The following RASA3 variants were observed in gnomAD, a reference collection of about 807,000 sequenced individuals.
RASA3 encodes the protein ras GTPase-activating protein 3.
In RASA3, 73 loss-of-function variants were observed where a neutral mutation model predicts 110.0. The ratio of observed to expected loss-of-function variants is 0.66; its 90% CI spans 0.55 to 0.81. The LOEUF (loss-of-function observed/expected upper bound fraction) is 0.81. Ranked by LOEUF, RASA3 falls within the 30% of genes least tolerant of loss-of-function variation. The pLI, the probability that RASA3 is intolerant of heterozygous loss-of-function variation, is 0.00. For synonymous variants in RASA3, 500 were observed against 451.4 expected (o/e 1.11, Z -1.37); for missense variants, 976 against 1,113.2 (o/e 0.88, Z 1.75).
At chr13:114,017,181 T>G in intron 12 of RASA3, 56 bp downstream of exon 12, 1 of 1,496,032 alleles carries the variant, frequency 6.7e-7, no homozygotes, top group Non-Finnish European at 9.3e-7. Context: ...TGCCCTCTGT[T>G]GGGGGAAATC....
At chr13:114,041,847 G>C (rs1054995520) in intron 3 of RASA3, among the ~76,000 whole-genome samples, 50 of 152,180 alleles carry the variant, frequency 3.3e-4, no homozygotes, top group Admixed American at 3.1e-3. Context: ...GGGACCCCTG[G>C]AGAGCCTGAA....
Position 114,012,394 on chromosome 13 carries a change from C to T in RASA3, c.1512+748G>A, listed in dbSNP as rs145177001. Reference sequence around the variant, plus strand: ...CACACCTTCCACACTCCCCGTGCACCGTCCACACACTCCACACACACTCCC... The same window carrying T: ...CACACCTTCCACACTCCCCGTGCACTGTCCACACACTCCACACACACTCCC... On this transcript the variant is annotated intron_variant, in intron 15 of 23. Coordinates refer to ENST00000334062, the MANE Select transcript of RASA3 (RefSeq NM_007368.4). 5.8e-3 allele frequency among the ~76,000 whole-genome samples: 820 copies of T among 141,198 alleles called. 1 individual carries two copies. The highest frequency in any genetic ancestry group is 0.017 in the African/African-American group (644 of 37,892). 92.6% of individuals were successfully genotyped at this position (141,198 alleles called of 152,430 possible). A position where few individuals can be genotyped will look rare whatever the true frequency, so the allele number is the denominator to read the frequency against.
rs780246799 is a variant in RASA3, at chr13:114,057,291, G to A, written c.174-5136C>T. 1,228 of 985,306 alleles carry A rather than the reference G, an allele frequency of 1.2e-3. 2 individuals are homozygous for A. Among genetic ancestry groups the A allele is most frequent in the Non-Finnish European group, 1.4e-3 (1,146 of 829,942 alleles). The allele number at this position is 985,306 out of a possible 1,614,324, so 61.0% of individuals were successfully genotyped here. ...GAAACCAGGCAGGACATCTGCAGGC[G>A]GCCGGCCAGCCTTATCAACGGAGCT... On this transcript the variant is annotated intron_variant, in intron 2 of 23. Coordinates refer to ENST00000334062, the MANE Select transcript of RASA3 (RefSeq NM_007368.4). This position sits in a 1 kb window ranked among gnomAD's most constrained non-coding sequence, Gnocchi z 5.0.
intron 2 of RASA3, among the ~76,000 whole-genome samples, chr13:114,071,539 A>G (rs2079572410): frequency 6.6e-6 from 1 of 152,238 alleles, no homozygotes; most frequent in Non-Finnish European, 1.5e-5. Flanking sequence ...GCACTTCTGA[A>G]GGGCTCGGTC....
chr13:114,010,311 C>G (rs1316899838), intron 16 of RASA3, among the ~76,000 whole-genome samples: 3 of 152,024 alleles, frequency 2.0e-5, no homozygotes, highest in Non-Finnish European at 4.4e-5. Context: ...CACCACAGCC[C>G]AGCCCTCTCC....
chr13:114,004,526 C>T (rs2053472013), intron 18 of RASA3, among the ~76,000 whole-genome samples: 2 of 152,114 alleles, frequency 1.3e-5, no homozygotes, highest in Non-Finnish European at 2.9e-5. Context: ...CCCCACCTCA[C>T]GCCAGGCAGA....
chr13:113,999,032 G>A (rs192806145), intron 20 of RASA3, among the ~76,000 whole-genome samples: 142 of 122,640 alleles, frequency 1.2e-3, no homozygotes, highest in Non-Finnish European at 1.9e-3. Flanking sequence ...GAAGGGAGAA[G>A]GAACAAGTGT....
intron 15 of RASA3, among the ~76,000 whole-genome samples, chr13:114,012,002 C>T (rs539515864): frequency 2.0e-5 from 3 of 152,164 alleles, no homozygotes; most frequent in Admixed American, 6.5e-5. Context: ...GCCACCCGCA[C>T]GTGCAACACG....
At position 114,112,991 on chromosome 13, in the gene RASA3, C is replaced by T. The variant is rs1420843928; in HGVS notation, c.55+19444G>A. Among the ~76,000 whole-genome samples the T allele has an allele frequency of 2.0e-5, 3 of 152,124 alleles. No individual in the cohort carries two copies. The highest frequency in any genetic ancestry group is 2.9e-5 in the Non-Finnish European group (2 of 68,010). Reference sequence around the variant, plus strand: ...GGCTCAGAGAAAGGCCCAGCCCATCCCAGCAGAGGCCGACCAGGACTCCAG... The same window carrying T: ...GGCTCAGAGAAAGGCCCAGCCCATCTCAGCAGAGGCCGACCAGGACTCCAG... On this transcript the variant is annotated intron_variant, in intron 1 of 23. Coordinates refer to ENST00000334062, the MANE Select transcript of RASA3 (RefSeq NM_007368.4). This position sits in a 1 kb window ranked among gnomAD's most constrained non-coding sequence, Gnocchi z 4.8.
rs771434077 is a variant in RASA3, at chr13:113,979,334, C to T, written c.*13G>A. 57 of 1,574,618 alleles carry T rather than the reference C, an allele frequency of 3.6e-5. 1 individual carries two copies. Among genetic ancestry groups the T allele is most frequent in the Middle Eastern group, 3.3e-4 (2 of 5,996 alleles). On this transcript the variant is annotated 3_prime_UTR_variant, in exon 24 of 24. Coordinates refer to ENST00000334062, the MANE Select transcript of RASA3 (RefSeq NM_007368.4). ...GGCAGCTTGCTGGCGCCACTGGGCG[C>T]GTCCCGCAGACTTTAAATGGAATGA...
rs541491242 is a variant in RASA3, at chr13:114,026,038, C to T, written c.603+1351G>A. Among the ~76,000 whole-genome samples, 4 of 152,250 alleles carry T rather than the reference C, an allele frequency of 2.6e-5. No homozygotes were observed. The South Asian group carries it at 8.3e-4, about 31-fold the overall frequency. On this transcript the variant is annotated intron_variant, in intron 7 of 23. Transcript: ENST00000334062. The stretch of plus-strand genomic sequence containing the variant: ...AGCGAGGTCCGGGCCTTCCCTGGAG[C>T]CCCACAGGTGGTGACGCAGACCATG...
intron 23 of RASA3, among the ~76,000 whole-genome samples, chr13:113,980,423 T>C (rs2052903104): frequency 2.1e-5 from 3 of 140,358 alleles, no homozygotes; most frequent in Non-Finnish European, 3.1e-5. Context: ...CGTGTTCACC[T>C]CCTCCGTGTG....
intron 1 of RASA3, among the ~76,000 whole-genome samples, chr13:114,079,810 G>T (rs915667835): frequency 6.6e-6 from 1 of 152,130 alleles, no homozygotes; most frequent in African/African-American, 2.4e-5. Context: ...CCTCTGAGTG[G>T]GCCTGAGTGC....
chr13:114,024,047 G>A (rs1566493650), intron 8 of RASA3, among the ~76,000 whole-genome samples: 1 of 152,270 alleles, frequency 6.6e-6, no homozygotes, highest in South Asian at 2.1e-4. Context: ...CTTACGGCCA[G>A]AGGGATGCGG....
In RASA3 at chr13:114,063,936, G is replaced by A. The variant is rs112397489; in HGVS notation, c.173+9784C>T. 4.1e-3 allele frequency among the ~76,000 whole-genome samples: 624 copies of A among 152,318 alleles called. 3 individuals are homozygous for A. The highest frequency in any genetic ancestry group is 0.014 in the African/African-American group (565 of 41,568). On this transcript the variant is annotated intron_variant, in intron 2 of 23. Coordinates refer to ENST00000334062, the MANE Select transcript of RASA3 (RefSeq NM_007368.4). ...TGGAATGTCCATCTTTTTATGAGCA[G>A]TTTTAAATCTCATTTTTTCTTGAAA... is the stretch of plus-strand genomic sequence containing the variant.
intron 1 of RASA3, among the ~76,000 whole-genome samples, chr13:114,105,273 G>T (rs1482481270): frequency 6.6e-6 from 1 of 151,956 alleles, no homozygotes; most frequent in East Asian, 1.9e-4. Context: ...CCCAGCAGCC[G>T]CCAGCCCTCT....
chr13:114,080,647 A>G (rs2079768697), intron 1 of RASA3, among the ~76,000 whole-genome samples: 1 of 51,954 alleles, frequency 1.9e-5, no homozygotes, highest in Admixed American at 2.5e-4. Flanking sequence ...TGCTTACTGG[A>G]GGCCTGACCC....
intron 1 of RASA3, among the ~76,000 whole-genome samples, chr13:114,116,116 C>T (rs1226968325): frequency 2.0e-5 from 3 of 152,224 alleles, no homozygotes; most frequent in East Asian, 1.9e-4. Context: ...TGTGCCCTCT[C>T]GGCCAGCCTT....
intron 2 of RASA3, among the ~76,000 whole-genome samples, chr13:114,054,777 T>C (rs111737228): frequency 2.0e-5 from 3 of 152,386 alleles, no homozygotes; most frequent in South Asian, 2.1e-4. Flanking sequence ...ACCGACTCCA[T>C]TGTAGCAGCA....
Sources: allele counts gnomAD v4.1 joint callset (sites outside exome capture counted in the v4.1 genomes callset), GRCh38; gene constraint gnomAD v4.1.1; non-coding constraint Gnocchi (gnomAD v3.1); transcripts MANE v1.5; gene names NCBI Gene and HGNC (gene_info 2026-07-23, HGNC 2026-07-21).